Variants in R3HDM2 observed in about 807,000 individuals in gnomAD.
The protein encoded by R3HDM2 is R3H domain-containing protein 2.
Under a neutral mutation model 124.5 loss-of-function variants are expected in R3HDM2, and 38 were observed. That is an observed-to-expected ratio of 0.31 (90% CI 0.24 to 0.40). R3HDM2 has a LOEUF of 0.40. Among genes scored for constraint, R3HDM2 ranks in the 10% least tolerant of loss-of-function variants. The probability of loss-of-function intolerance (pLI) is 1.00; values close to 1 mark genes in which losing one functional copy is unlikely to be tolerated. For synonymous variants in R3HDM2, 391 were observed against 448.0 expected (o/e 0.87, Z 1.61); for missense variants, 869 against 1,236.9 (o/e 0.70, Z 4.46).
chr12:57,389,858 A>C (rs1248803735), intron 2 of R3HDM2, among the ~76,000 whole-genome samples: 1 of 152,300 alleles, frequency 6.6e-6, no homozygotes, highest in African/African-American at 2.4e-5. Flanking sequence ...TCACTAAAAT[A>C]TTTTCACACC....
chr12:57,310,821 C>T (rs1442587745), intron 2 of R3HDM2, among the ~76,000 whole-genome samples: 3 of 152,170 alleles, frequency 2.0e-5, no homozygotes, highest in African/African-American at 7.2e-5. Flanking sequence ...AACTACTGAT[C>T]TGTTCTGTCA....
At chr12:57,386,293 C>G (rs921265828) in intron 2 of R3HDM2, among the ~76,000 whole-genome samples, 3 of 152,194 alleles carry the variant, frequency 2.0e-5, no homozygotes, top group Non-Finnish European at 4.4e-5. Context: ...GCTCCCTCAG[C>G]TTGCGGGGAG....
chr12:57,321,338 T>G (rs777186365), intron 2 of R3HDM2, among the ~76,000 whole-genome samples: 31 of 152,318 alleles, frequency 2.0e-4, no homozygotes, highest in Non-Finnish European at 8.8e-5. Context: ...AACCTTACTG[T>G]ACATACTGAG....
At position 57,254,666 on chromosome 12, in the gene R3HDM2, A is replaced by C; in HGVS notation, c.*107T>G. ...CATCACTGTCTTAGGTTCCAGTTTA[A>C]CATCAGTTTCCTTACTTCCTGCCTC... On this transcript the variant is annotated 3_prime_UTR_variant, in exon 24 of 24. Coordinates refer to ENST00000402412, the MANE Select transcript of R3HDM2 (RefSeq NM_001394031.1). 1.0e-6 allele frequency: 1 copy of C among 987,676 alleles called. No individual in the cohort carries two copies. The highest frequency in any genetic ancestry group is 1.5e-6 in the Non-Finnish European group (1 of 682,328). The allele number at this position is 987,676 out of a possible 1,614,324, so 61.2% of individuals were successfully genotyped here. A position where few individuals can be genotyped will look rare whatever the true frequency, so the allele number is the denominator to read the frequency against.
chr12:57,396,609 T>C (rs1247503930), intron 1 of R3HDM2, among the ~76,000 whole-genome samples: 1 of 151,750 alleles, frequency 6.6e-6, no homozygotes, highest in Non-Finnish European at 1.5e-5. Flanking sequence ...AAACCCCGTC[T>C]CTACTGAAAA....
chr12:57,349,586 A>G (rs1819705773), intron 2 of R3HDM2, among the ~76,000 whole-genome samples: 1 of 148,798 alleles, frequency 6.7e-6, no homozygotes, highest in Admixed American at 6.7e-5. Context: ...TTTGAGACAG[A>G]GTCTCGCTCT....
chr12:57,424,114 CAAAAAAAA>C (rs35579430), intron 1 of R3HDM2, among the ~76,000 whole-genome samples: 26 of 63,874 alleles, frequency 4.1e-4, no homozygotes, highest in East Asian at 2.7e-3. Flanking sequence ...AACTCTGTCT[CAAAAAAAA>C]AAAAAAAAAA....
intron 13 of R3HDM2, among the ~76,000 whole-genome samples, chr12:57,282,837 T>C (rs1363519692): frequency 1.3e-5 from 2 of 152,190 alleles, no homozygotes; most frequent in African/African-American, 4.8e-5. Context: ...AGGCAAAATC[T>C]TCAGCACTAC....
intron 1 of R3HDM2, among the ~76,000 whole-genome samples, chr12:57,403,832 C>G (rs1021596771): frequency 4.1e-5 from 6 of 148,136 alleles, no homozygotes; most frequent in Non-Finnish European, 4.5e-5. Flanking sequence ...AAAAAAAAGG[C>G]AGGATGGAAA....
chr12:57,340,791 G>A lies in R3HDM2; in HGVS notation c.-35-30328C>T, dbSNP rs938570079. ...GATAGGTAAACCCTTAATTTTCCTA[G>A]GCTCTAGTTTACTGAGTTTTTCAAA... On this transcript the variant is annotated intron_variant, in intron 2 of 23. Coordinates refer to ENST00000402412, the MANE Select transcript of R3HDM2 (RefSeq NM_001394031.1). Among the ~76,000 whole-genome samples, 4 of 151,894 alleles carry A rather than the reference G, an allele frequency of 2.6e-5. No homozygotes were observed. The South Asian group carries it at 8.3e-4, about 32-fold the overall frequency.
chr12:57,322,259 T>C (rs1160042312), intron 2 of R3HDM2, among the ~76,000 whole-genome samples: 4 of 152,156 alleles, frequency 2.6e-5, no homozygotes, highest in South Asian at 2.1e-4. Flanking sequence ...ATGGTTAAGA[T>C]CTGTGCATTT....
chr12:57,300,290 C>T (rs2050833176), intron 4 of R3HDM2, 109 bp from the exon 5 acceptor site: 1 of 911,328 alleles, frequency 1.1e-6, no homozygotes, highest in East Asian at 2.8e-5. Flanking sequence ...TCCTCTTTGG[C>T]TCTGTTAGTT....
Position 57,310,362 on chromosome 12 carries a change from C to T in R3HDM2, c.67G>A (p.Glu23Lys). The change falls in exon 3 of 24, where the codon GAA (glutamate) becomes AAA (lysine). Residue 23 changes from glutamate to lysine, a missense_variant. Glu to Lys is a moderately conservative substitution (Grantham distance 56, BLOSUM62 1). This residue lies in a region of R3HDM2 where 267 missense variants were observed against 447.7 expected (regional missense o/e 0.60). Transcript: ENST00000402412. ...IMKESEKKLV[E>K]ESVNKNKFIS... ...AACTTGTTTTTGTTTACAGATTCTT[C>T]CACCAGTTTTTTTTCTGATTCTTTC... The T allele has an allele frequency of 6.5e-7, 1 of 1,548,478 alleles. No homozygotes were observed. Among genetic ancestry groups the T allele is most frequent in the Non-Finnish European group, 8.7e-7 (1 of 1,144,976 alleles).
intron 12 of R3HDM2, among the ~76,000 whole-genome samples, chr12:57,285,019 C>G (rs1311077449): frequency 6.6e-6 from 1 of 152,012 alleles, no homozygotes; most frequent in Non-Finnish European, 1.5e-5. Context: ...TCTTTCATAC[C>G]CCACATCCCC....
At chr12:57,397,780 C>T (rs1013293463) in intron 1 of R3HDM2, among the ~76,000 whole-genome samples, 13 of 152,190 alleles carry the variant, frequency 8.5e-5, no homozygotes, top group Admixed American at 7.2e-4. Context: ...TGGGTTCACA[C>T]TAAGAGCTTT....
intron 2 of R3HDM2, among the ~76,000 whole-genome samples, chr12:57,320,261 CAAAAAAAAA>C (rs56207989): frequency 3.6e-3 from 51 of 14,276 alleles, no homozygotes; most frequent in East Asian, 7.4e-3. Context: ...AACTCTATCT[CAAAAAAAAA>C]AAAAAAAAAA....
intron 14 of R3HDM2, among the ~76,000 whole-genome samples, chr12:57,270,554 C>T (rs1439029054): frequency 2.0e-5 from 3 of 151,828 alleles, no homozygotes; most frequent in East Asian, 3.9e-4. Context: ...CTCAGCCTCC[C>T]GAGTAGCTGG....
intron 1 of R3HDM2, among the ~76,000 whole-genome samples, chr12:57,417,399 AAGAG>A (rs1454673944): frequency 1.3e-5 from 2 of 151,898 alleles, no homozygotes; most frequent in South Asian, 2.1e-4. Context: ...AAAAAAAAAA[AAGAG>A]AGAGACTTCC....
intron 1 of R3HDM2, among the ~76,000 whole-genome samples, chr12:57,408,976 T>C (rs569938284): frequency 6.6e-6 from 1 of 152,166 alleles, no homozygotes; most frequent in Non-Finnish European, 1.5e-5. Context: ...TCTTATTTTG[T>C]ATCTGTTTGT....
Sources: allele counts gnomAD v4.1 joint callset (sites outside exome capture counted in the v4.1 genomes callset), GRCh38; gene constraint gnomAD v4.1.1; regional missense constraint gnomAD v4.1.1; transcripts MANE v1.5; gene names NCBI Gene and HGNC (gene_info 2026-07-23, HGNC 2026-07-21).